Variants in TEX11 observed in about 807,000 individuals in gnomAD.
TEX11 encodes the protein testis-expressed protein 11.
In TEX11, 7 loss-of-function variants were observed where a neutral mutation model predicts 84.4. The ratio of observed to expected loss-of-function variants is 0.08; its 90% CI spans 0.05 to 0.16. The LOEUF is 0.16. Among genes scored for constraint, TEX11 ranks in the 10% least tolerant of loss-of-function variants. TEX11 has a pLI of 1.00. For synonymous variants in TEX11, 264 were observed against 222.8 expected, an observed-to-expected ratio of 1.18 and a Z score of -1.64; for missense variants, 551 against 660.5, an observed-to-expected ratio of 0.83 and a Z score of 1.82.
intron 3 of TEX11, among the ~76,000 whole-genome samples, chrX:70,878,749 T>C (rs551927355): frequency 4.6e-5 from 5 of 109,469 alleles, no homozygotes; most frequent in East Asian, 2.9e-4. Context: ...TTATTCATAA[T>C]AGCCAAAAGG....
At chrX:70,615,465 A>G (rs960171978) in intron 20 of TEX11, among the ~76,000 whole-genome samples, 1 of 111,884 alleles carries the variant, frequency 8.9e-6, no homozygotes, top group Non-Finnish European at 1.9e-5. Flanking sequence ...TCAAAGACAC[A>G]CTATTTGAAA....
chrX:70,550,950 C>T (rs1330372305), intron 28 of TEX11, among the ~76,000 whole-genome samples: 2 of 111,769 alleles, frequency 1.8e-5, no homozygotes, highest in African/African-American at 6.5e-5. Context: ...TATCTGCACT[C>T]CTATGTTTGT....
chrX:70,791,088 T>G (rs1387031194), intron 9 of TEX11, among the ~76,000 whole-genome samples: 2 of 111,488 alleles, frequency 1.8e-5, no homozygotes, highest in Non-Finnish European at 3.8e-5. Flanking sequence ...GGGACATGGA[T>G]GAAGCTGGAA....
intron 16 of TEX11, among the ~76,000 whole-genome samples, chrX:70,668,989 T>G (rs190202427): frequency 8.9e-6 from 1 of 112,305 alleles, no homozygotes; most frequent in East Asian, 2.8e-4. Context: ...CCTGCTGTTA[T>G]GTTTATGTGA....
At chrX:70,615,375 G>A (rs1475248504) in intron 20 of TEX11, among the ~76,000 whole-genome samples, 1 of 111,729 alleles carries the variant, frequency 9.0e-6, no homozygotes, top group African/African-American at 3.2e-5. Context: ...AGAAATTCTG[G>A]AGTTGAAAAA....
chrX:70,781,906 C>T (rs2091041586), intron 9 of TEX11, among the ~76,000 whole-genome samples: 1 of 111,372 alleles, frequency 9.0e-6, no homozygotes, highest in African/African-American at 3.3e-5. Flanking sequence ...GGATATTATC[C>T]AGGAGAACTT....
At chrX:70,654,709 C>CAAAAAAAAAAAAAAAAAAAAAAAA (rs56822297) in intron 16 of TEX11, among the ~76,000 whole-genome samples, 4 of 37,627 alleles carry the variant, frequency 1.1e-4, no homozygotes, top group Non-Finnish European at 1.3e-4. Flanking sequence ...GACTCTGTCT[C>CAAAAAAAAAAAAAAAAAAAAAAAA]AAAAAAAAAA....
At chrX:70,623,624 T>C (rs145261235) in intron 20 of TEX11, among the ~76,000 whole-genome samples, 4 of 112,335 alleles carry the variant, frequency 3.6e-5, no homozygotes, top group African/African-American at 1.3e-4. Context: ...TATTAACTTA[T>C]ACTCTCGTTT....
intron 16 of TEX11, among the ~76,000 whole-genome samples, chrX:70,661,335 C>T (rs965958457): frequency 1.8e-5 from 2 of 112,238 alleles, no homozygotes; most frequent in Admixed American, 9.4e-5. Context: ...GGGAGGGGCG[C>T]CCGCCATTGC....
At chrX:70,713,358 A>G (rs1006431409) in intron 13 of TEX11, among the ~76,000 whole-genome samples, 2 of 111,936 alleles carry the variant, frequency 1.8e-5, no homozygotes, top group African/African-American at 6.5e-5. Context: ...ATAGTTTCAG[A>G]AGGAATGGTA....
chrX:70,580,172 G>A (rs1040456222), intron 25 of TEX11, among the ~76,000 whole-genome samples: 2 of 112,017 alleles, frequency 1.8e-5, no homozygotes, highest in African/African-American at 6.5e-5. Flanking sequence ...TGGGACTGGA[G>A]GTCATTATGT....
At position 70,639,098 on chromosome X, in the gene TEX11, C is replaced by T. The variant is rs765815121; in HGVS notation, c.1484-9363G>A. ...AAGCAGGGCGAGGCATTGCCTCACT[C>T]GGCGGGGGGAAGCGCAAGGGGTCAG... On this transcript the variant is annotated intron_variant, in intron 17 of 29. Transcript: ENST00000374333. Among the ~76,000 whole-genome samples, 733 of 111,545 alleles carry T rather than the reference C, an allele frequency of 6.6e-3. 6 individuals carry two copies. The highest frequency in any genetic ancestry group is 0.023 in the African/African-American group (696 of 30,783).
chrX:70,824,108 G>C (rs6625691), intron 8 of TEX11, among the ~76,000 whole-genome samples: 44,717 of 111,093 alleles, frequency 0.4, 7,436 homozygotes, highest in East Asian at 0.55. Context: ...CCCACTGAAT[G>C]TAACTATAAA....
intron 11 of TEX11, among the ~76,000 whole-genome samples, chrX:70,739,005 G>C (rs1262635281): frequency 1.8e-5 from 2 of 110,947 alleles, no homozygotes; most frequent in Non-Finnish European, 3.8e-5. Flanking sequence ...ATGCAGGCAA[G>C]GGCTTAAAAC....
rs1454469494 is a variant in TEX11, at chrX:70,781,931, G to A, written c.692+24774C>T. Among the ~76,000 whole-genome samples, 3 of 111,300 alleles carry A rather than the reference G, an allele frequency of 2.7e-5. No individual in the cohort carries two copies. The Admixed American group carries it at 2.9e-4, about 11-fold the overall frequency. On this transcript the variant is annotated intron_variant, in intron 9 of 29. Coordinates refer to ENST00000374333, the MANE Select transcript of TEX11 (RefSeq NM_031276.3). Reference sequence around the variant, plus strand: ...CAGGAGAACTTCCCCAACCTAGCAAGGTAGGTGAACATTCAAATTCAGGGA... The same window carrying A: ...CAGGAGAACTTCCCCAACCTAGCAAAGTAGGTGAACATTCAAATTCAGGGA...
intron 10 of TEX11, among the ~76,000 whole-genome samples, chrX:70,743,675 A>G (rs888798343): frequency 9.0e-6 from 1 of 110,974 alleles, no homozygotes. Flanking sequence ...CAGGAGTTCC[A>G]GACCAGCCTG....
intron 11 of TEX11, among the ~76,000 whole-genome samples, chrX:70,730,348 A>G (rs1042831112): frequency 5.4e-5 from 6 of 111,952 alleles, no homozygotes; most frequent in Non-Finnish European, 9.4e-5. Flanking sequence ...ATTAAAAGAC[A>G]CAGACTGGCA....
At chrX:70,710,565 G>C (rs753308853) in intron 13 of TEX11, among the ~76,000 whole-genome samples, 1 of 107,094 alleles carries the variant, frequency 9.3e-6, no homozygotes, top group East Asian at 2.9e-4. Flanking sequence ...TTTTTAGGAG[G>C]CAGTGGATTC....
intron 9 of TEX11, among the ~76,000 whole-genome samples, chrX:70,755,868 G>C (rs746126676): frequency 8.9e-6 from 1 of 112,383 alleles, no homozygotes; most frequent in East Asian, 2.8e-4. Context: ...GTCTGTACCT[G>C]GAGGAATGGT....
Sources: gnomAD v4.1 joint callset for allele counts (sites outside exome capture counted in the v4.1 genomes callset) on GRCh38, gnomAD v4.1.1 for gene constraint, MANE v1.5 for transcripts, NCBI Gene and HGNC (gene_info 2026-07-23, HGNC 2026-07-21) for gene names.